The following AMPH variants were observed in gnomAD, a reference collection of about 807,000 sequenced individuals.
AMPH encodes the protein amphiphysin (Stiff-Mann syndrome with breast cancer 128kD autoantigen).
A neutral mutation model predicts 99.1 loss-of-function variants in AMPH; 49 were observed. That is an observed-to-expected ratio of 0.49 (90% CI 0.39 to 0.63). AMPH has a LOEUF of 0.63. Among genes scored for constraint, AMPH ranks in the 20% least tolerant of loss-of-function variants. The pLI, the probability that AMPH is intolerant of heterozygous loss-of-function variation, is 0.00. For synonymous variants in AMPH, 314 were observed against 317.3 expected, an observed-to-expected ratio of 0.99 and a Z score of 0.11; for missense variants, 759 against 863.4, an observed-to-expected ratio of 0.88 and a Z score of 1.52.
At chr7:38,621,409 T>A (rs1794056206) in intron 1 of AMPH, among the ~76,000 whole-genome samples, 1 of 152,200 alleles carries the variant, frequency 6.6e-6, no homozygotes, top group African/African-American at 2.4e-5. Context: ...AGAAAGTGCC[T>A]TCCACATATT....
intron 1 of AMPH, among the ~76,000 whole-genome samples, chr7:38,587,949 T>TGC (rs780857451): frequency 0.02 from 2,914 of 146,138 alleles, 40 homozygotes; most frequent in African/African-American, 0.037. Context: ...TGTGTGTGTG[T>TGC]GCGCGTGTGT....
chr7:38,502,770 G>A (rs963817896), intron 3 of AMPH, among the ~76,000 whole-genome samples: 8 of 151,918 alleles, frequency 5.3e-5, no homozygotes, highest in African/African-American at 1.9e-4. Flanking sequence ...TCCCTTCTTC[G>A]GCCCCTTGAA....
At chr7:38,558,260 C>T (rs1791434719) in intron 1 of AMPH, among the ~76,000 whole-genome samples, 1 of 152,142 alleles carries the variant, frequency 6.6e-6, no homozygotes, top group South Asian at 2.1e-4. Flanking sequence ...TTCCACAACA[C>T]ACAGCTCAAG....
intron 11 of AMPH, among the ~76,000 whole-genome samples, chr7:38,445,103 T>TATACACA (rs1562760151): frequency 1.3e-4 from 19 of 149,842 alleles, no homozygotes; most frequent in African/African-American, 3.9e-4. Flanking sequence ...TACATATATA[T>TATACACA]TAGATAGATA....
intron 11 of AMPH, among the ~76,000 whole-genome samples, chr7:38,444,333 T>C (rs1345241133): frequency 6.6e-6 from 1 of 152,084 alleles, no homozygotes; most frequent in East Asian, 1.9e-4. Context: ...CTGGAACCTG[T>C]AAGTGTGTCC....
chr7:38,464,226 T>A, intron 9 of AMPH: 8 of 901,002 alleles, frequency 8.9e-6, no homozygotes, highest in Non-Finnish European at 1.2e-5. Context: ...CATTTCCATG[T>A]AAGGGAACAA....
intron 1 of AMPH, among the ~76,000 whole-genome samples, chr7:38,618,507 G>A (rs557196679): frequency 1.4e-5 from 2 of 146,666 alleles, no homozygotes; most frequent in East Asian, 1.9e-4. Flanking sequence ...GTGAGACTCT[G>A]TCTCAAAAAA....
intron 9 of AMPH, chr7:38,463,956 G>T: frequency 3.8e-6 from 3 of 784,152 alleles, no homozygotes; most frequent in Non-Finnish European, 5.6e-6. Context: ...TATTCAAAGG[G>T]CTGAGGAAAC....
chr7:38,531,707 C>G (rs967031330), intron 2 of AMPH, among the ~76,000 whole-genome samples: 2 of 152,170 alleles, frequency 1.3e-5, no homozygotes, highest in Non-Finnish European at 2.9e-5. Context: ...TGGTCTACTT[C>G]TTTATTAAGC....
chr7:38,582,611 T>C lies in AMPH; in HGVS notation c.70-47600A>G, dbSNP rs543225417. On this transcript the variant is annotated intron_variant, in intron 1 of 20. Coordinates refer to ENST00000356264, the MANE Select transcript of AMPH (RefSeq NM_001635.4). ...TTTTAAATGTTTTTAATTTCTAATATGGGAAATACTAATGAATATAACCAA... is the reference window on the plus strand; with the variant it reads ...TTTTAAATGTTTTTAATTTCTAATACGGGAAATACTAATGAATATAACCAA... Among the ~76,000 whole-genome samples, 26 of 152,338 alleles carry C rather than the reference T, an allele frequency of 1.7e-4. No homozygotes were observed. The East Asian group carries it at 2.3e-3, about 14-fold the overall frequency.
chr7:38,551,460 G>C (rs545960294), intron 1 of AMPH, among the ~76,000 whole-genome samples: 1 of 152,084 alleles, frequency 6.6e-6, no homozygotes, highest in Non-Finnish European at 1.5e-5. Flanking sequence ...ATCATTTATT[G>C]CCTTCTTTCT....
chr7:38,524,251 T>C (rs1166681590), intron 2 of AMPH, among the ~76,000 whole-genome samples: 3 of 152,108 alleles, frequency 2.0e-5, no homozygotes, highest in Non-Finnish European at 4.4e-5. Context: ...AGTGTCAAGA[T>C]CATGAAAGGC....
At chr7:38,432,497 CT>C (rs1303106877) in intron 12 of AMPH, among the ~76,000 whole-genome samples, 1 of 152,058 alleles carries the variant, frequency 6.6e-6, no homozygotes, top group African/African-American at 2.4e-5. Context: ...TTAAATGGCA[CT>C]TAGCTTTGGA....
At chr7:38,402,094 A>C (rs1221616669) in intron 17 of AMPH, among the ~76,000 whole-genome samples, 2 of 152,134 alleles carry the variant, frequency 1.3e-5, no homozygotes, top group African/African-American at 4.8e-5. Flanking sequence ...TGCAAATTTT[A>C]ATTCTAATAT....
intron 19 of AMPH, among the ~76,000 whole-genome samples, chr7:38,390,765 G>A (rs1784463628): frequency 6.6e-6 from 1 of 152,196 alleles, no homozygotes; most frequent in African/African-American, 2.4e-5. Context: ...GGCCCAGCAA[G>A]CTCCAGCCGT....
intron 15 of AMPH, among the ~76,000 whole-genome samples, 185 bp downstream of exon 15, chr7:38,426,769 C>T (rs995255005): frequency 5.3e-5 from 8 of 152,198 alleles, no homozygotes; most frequent in Non-Finnish European, 1.2e-4. Context: ...ATTTAATCTT[C>T]ACAATAATCA....
intron 1 of AMPH, among the ~76,000 whole-genome samples, chr7:38,540,637 T>C (rs1790770827): frequency 1.6e-5 from 2 of 123,884 alleles, no homozygotes; most frequent in African/African-American, 6.2e-5. Flanking sequence ...TAACTTCTGT[T>C]AATCAGGGGA....
rs925589269 is a variant in AMPH at position 38,384,622 on chromosome 7, T to C, written c.*196A>G. 5.9e-6 allele frequency: 3 copies of C among 505,930 alleles called. No homozygotes were observed. Among genetic ancestry groups the C allele is most frequent in the Non-Finnish European group, 7.2e-6 (2 of 279,154 alleles). The allele number at this position is 505,930 out of a possible 1,614,324, so 31.3% of individuals were successfully genotyped here. A position where few individuals can be genotyped will look rare whatever the true frequency, so the allele number is the denominator to read the frequency against. ...CTGTTATTGACAACATGGGAATGAG[T>C]GAGGATTTTTTCCTTAATTTACTTT... On this transcript the variant is annotated 3_prime_UTR_variant, in exon 21 of 21. Coordinates refer to ENST00000356264, the MANE Select transcript of AMPH (RefSeq NM_001635.4).
chr7:38,481,750 C>T (rs1788290816), intron 5 of AMPH, among the ~76,000 whole-genome samples: 2 of 152,102 alleles, frequency 1.3e-5, no homozygotes, highest in African/African-American at 4.8e-5. Flanking sequence ...GAGGTTTTAA[C>T]TGCACATGGC....
Sources: allele counts gnomAD v4.1 joint callset (sites outside exome capture counted in the v4.1 genomes callset), GRCh38; gene constraint gnomAD v4.1.1; transcripts MANE v1.5; gene names NCBI Gene and HGNC (gene_info 2026-07-23, HGNC 2026-07-21).